The following IGFL2 variants were observed in gnomAD, a reference collection of about 807,000 sequenced individuals.
IGFL2 encodes the protein insulin growth factor-like family member 2.
Under a neutral mutation model 13.9 loss-of-function variants are expected in IGFL2, and 7 were observed. The ratio of observed to expected loss-of-function variants is 0.51; its 90% CI spans 0.29 to 0.95. The LOEUF is 0.95. IGFL2 is among the 40% of genes least tolerant of loss of function. The pLI, the probability that IGFL2 is intolerant of heterozygous loss-of-function variation, is 0.08. For missense variants in IGFL2, 138 were observed against 147.8 expected (o/e 0.93, Z 0.34); for synonymous variants, 55 against 55.8 (o/e 0.99, Z 0.07).
At chr19:46,189,476 A>G in the IGFL2 span, among the ~76,000 whole-genome samples, 3 of 152,004 alleles carry the variant, frequency 2.0e-5, no homozygotes, top group Non-Finnish European at 4.4e-5. Flanking sequence ...AGTCTTCTCT[A>G]ACTCCCCCGG....
At chr19:46,093,199 G>A in the IGFL2 span, among the ~76,000 whole-genome samples, 2,049 of 152,188 alleles carry the variant, frequency 0.013, 31 homozygotes, top group Middle Eastern at 0.027. Flanking sequence ...GACACTTGAT[G>A]AGGAAATTGC....
chr19:46,143,499 C>T (rs1212208581), upstream of IGFL2, among the ~76,000 whole-genome samples: 11 of 151,188 alleles, frequency 7.3e-5, no homozygotes, highest in African/African-American at 2.7e-4. Flanking sequence ...TTCCTGGGCT[C>T]AAGCAATCCT....
chr19:46,161,458 T>G (rs1278509917), downstream of IGFL2, among the ~76,000 whole-genome samples: 2 of 152,144 alleles, frequency 1.3e-5, no homozygotes, highest in Non-Finnish European at 2.9e-5. Flanking sequence ...TGTGGGAGTC[T>G]AAGTCTCTTT....
At position 46,153,072 on chromosome 19, in the gene IGFL2, A is replaced by G. The variant is rs533486738; in HGVS notation, c.19+4775A>G. Among the ~76,000 whole-genome samples the G allele has an allele frequency of 2.6e-5, 4 of 152,136 alleles. No individual in the cohort carries two copies. In the East Asian group the frequency reaches 5.8e-4, roughly 22 times the overall value. ...TATATGCTGCTGGATTTGGTTTGCT[A>G]TGTTTTGTTGAGGATTTTTGAACTT... On this transcript the variant is annotated intron_variant, in intron 1 of 3. Coordinates refer to ENST00000377693, the MANE Select transcript of IGFL2 (RefSeq NM_001135113.2).
chr19:46,121,892 G>A, the IGFL2 span, among the ~76,000 whole-genome samples: 4 of 151,064 alleles, frequency 2.6e-5, 1 homozygote, highest in Admixed American at 6.6e-5. Context: ...GTTGCAGTGA[G>A]CTGATTTGCA....
At chr19:46,079,666 C>T in the IGFL2 span, among the ~76,000 whole-genome samples, 1 of 152,154 alleles carries the variant, frequency 6.6e-6, no homozygotes, top group Non-Finnish European at 1.5e-5. Context: ...GTCTGCACCA[C>T]TTCTGCCAGC....
chr19:46,141,603 A>G (rs1233597315), upstream of IGFL2, among the ~76,000 whole-genome samples: 2 of 151,784 alleles, frequency 1.3e-5, no homozygotes. Context: ...CTGAACAGCC[A>G]CTCCTAGAAA....
the IGFL2 span, chr19:46,198,164 C>T: frequency 1.3e-5 from 2 of 151,144 alleles, no homozygotes; most frequent in Non-Finnish European, 2.9e-5. Context: ...GGCTGGAGTG[C>T]AGTGGTCTGA....
the IGFL2 span, chr19:46,101,135 C>T: frequency 6.6e-6 from 1 of 152,292 alleles, no homozygotes; most frequent in Non-Finnish European, 1.5e-5. Flanking sequence ...TGACCTGATG[C>T]TGGTAGGAAC....
the IGFL2 span, among the ~76,000 whole-genome samples, chr19:46,129,327 G>GTGTA: frequency 6.6e-6 from 1 of 151,026 alleles, no homozygotes; most frequent in African/African-American, 2.4e-5. Flanking sequence ...GTGTGTGTGT[G>GTGTA]TGTGTGTGTG....
chr19:46,146,790 TAC>T (rs1213001220), upstream of IGFL2, among the ~76,000 whole-genome samples: 1 of 152,186 alleles, frequency 6.6e-6, no homozygotes, highest in Non-Finnish European at 1.5e-5. Context: ...TTTCATACGC[TAC>T]AACCTTTCTA....
At chr19:46,207,317 C>T in the IGFL2 span, 1 of 152,054 alleles carries the variant, frequency 6.6e-6, no homozygotes, top group Non-Finnish European at 1.5e-5. Flanking sequence ...CCCTCTAATC[C>T]TCAAATCTTT....
chr19:46,198,484 A>G, the IGFL2 span: 3 of 152,160 alleles, frequency 2.0e-5, no homozygotes, highest in African/African-American at 7.2e-5. Flanking sequence ...GTGGCTTACC[A>G]GAGTCATGAA....
the IGFL2 span, chr19:46,124,669 G>A: frequency 6.2e-7 from 1 of 1,605,636 alleles, no homozygotes; most frequent in East Asian, 2.3e-5. Flanking sequence ...GATGCTCTAG[G>A]AGAATTGAAG....
At chr19:46,166,241 G>A (rs190560606), downstream of IGFL2, among the ~76,000 whole-genome samples, 252 of 152,226 alleles carry the variant, frequency 1.7e-3, 1 homozygote, top group South Asian at 0.015. Context: ...AGAAATAAAG[G>A]GACAGAGTAC....
intron 1 of IGFL2, 164 bp from the exon 2 acceptor site, chr19:46,160,251 A>T: frequency 3.2e-6 from 2 of 630,526 alleles, no homozygotes; most frequent in Non-Finnish European, 5.7e-6. Context: ...TGCTGTCTGG[A>T]CTCTTAACTG....
the IGFL2 span, among the ~76,000 whole-genome samples, chr19:46,093,326 G>A: frequency 3.3e-5 from 5 of 152,258 alleles, no homozygotes; most frequent in Admixed American, 3.3e-4. Flanking sequence ...AAGTGTATAT[G>A]GGTTTCTGAG....
At chr19:46,079,925 C>T in the IGFL2 span, among the ~76,000 whole-genome samples, 20 of 152,276 alleles carry the variant, frequency 1.3e-4, no homozygotes, top group East Asian at 2.9e-3. Context: ...CCTGGCGTCT[C>T]TCCTTGAGCC....
upstream of IGFL2, among the ~76,000 whole-genome samples, chr19:46,145,593 C>CAT (rs546289879): frequency 2.4e-4 from 21 of 87,810 alleles, no homozygotes; most frequent in African/African-American, 5.7e-4. Flanking sequence ...AGGACACACT[C>CAT]ATATATATGT....
Sources: gnomAD v4.1 joint callset for allele counts (sites outside exome capture counted in the v4.1 genomes callset) on GRCh38, gnomAD v4.1.1 for gene constraint, MANE v1.5 for transcripts, NCBI Gene and HGNC (gene_info 2026-07-23, HGNC 2026-07-21) for gene names.